Variants in UQCC1 observed in about 807,000 individuals in gnomAD.
UQCC1 encodes the protein bFGF-repressed Zic-binding protein.
UQCC1 carries 38 observed loss-of-function variants against 48.0 expected under a neutral mutation model. The observed-to-expected ratio is 0.79, with a 90% confidence interval of 0.61 to 1.04. The LOEUF (loss-of-function observed/expected upper bound fraction) is 1.04. UQCC1 is among the 50% of genes least tolerant of loss of function. The probability of loss-of-function intolerance (pLI) is 0.00; values close to 1 mark genes in which losing one functional copy is unlikely to be tolerated. For missense variants in UQCC1, 368 were observed against 381.8 expected, an observed-to-expected ratio of 0.96 and a Z score of 0.30; for synonymous variants, 111 against 129.2, an observed-to-expected ratio of 0.86 and a Z score of 0.95.
Position 35,304,061 on chromosome 20 carries a change from G to T in UQCC1, c.774C>A (p.Tyr258Ter). 1 of 1,614,088 alleles carries T rather than the reference G, an allele frequency of 6.2e-7. No homozygotes were observed. Residue 258 changes from tyrosine to a stop codon, truncating the protein, a stop_gained, in exon 10 of 10, where the codon TAC becomes TAA. Coordinates refer to ENST00000374385, the MANE Select transcript of UQCC1 (RefSeq NM_018244.5). LOFTEE classifies it high-confidence loss of function. Reference protein sequence around the residue: ...LVEYVRKQIQYLDSMNGEDLL... With the variant: ...LVEYVRKQIQ ...GATCCTCCCCGTTCATGGAGTCCAG[G>T]TACTGTATCTGCAACCAGGGGAGGG...
intron 5 of UQCC1, among the ~76,000 whole-genome samples, chr20:35,373,654 TC>T (rs1398076482): frequency 1.6e-5 from 2 of 124,502 alleles, no homozygotes; most frequent in African/African-American, 3.2e-5. Context: ...ACCACTGCAC[TC>T]CGGCCTGGGC....
At chr20:35,374,399 A>AT (rs750983222) in intron 4 of UQCC1, 143 bp from the exon 5 acceptor site, 130 of 510,174 alleles carry the variant, frequency 2.5e-4, no homozygotes, top group African/African-American at 8.4e-4. Context: ...ACCAATATAA[A>AT]TTTTTTTTGT....
chr20:35,318,831 G>C (rs56175505), intron 7 of UQCC1, among the ~76,000 whole-genome samples: 7,114 of 152,260 alleles, frequency 0.047, 262 homozygotes, highest in African/African-American at 0.097. Context: ...AAGGGGAGCA[G>C]GATATTCGCT....
At chr20:35,375,617 CAG>C (rs2061787068) in intron 4 of UQCC1, among the ~76,000 whole-genome samples, 1 of 151,990 alleles carries the variant, frequency 6.6e-6, no homozygotes, top group Admixed American at 6.6e-5. Context: ...TAGTAAAGAT[CAG>C]AAATCAACAA....
At chr20:35,398,228 G>T (rs1052188629) in intron 1 of UQCC1, among the ~76,000 whole-genome samples, 2 of 152,250 alleles carry the variant, frequency 1.3e-5, no homozygotes, top group South Asian at 2.1e-4. Flanking sequence ...ACAGCATATT[G>T]TGGAAAGTGC....
At chr20:35,354,405 T>G (rs1484094101) in intron 6 of UQCC1, among the ~76,000 whole-genome samples, 1 of 151,972 alleles carries the variant, frequency 6.6e-6, no homozygotes, top group Non-Finnish European at 1.5e-5. Context: ...TCTTTTTTTT[T>G]TTTTGTTTTG....
intron 2 of UQCC1, among the ~76,000 whole-genome samples, chr20:35,387,003 G>A (rs868495585): frequency 4.1e-4 from 63 of 152,028 alleles, no homozygotes; most frequent in African/African-American, 1.5e-3. Flanking sequence ...TAGGCTGGGC[G>A]TGGTGGCTGA....
At chr20:35,383,318 A>C (rs2061899169) in intron 3 of UQCC1, among the ~76,000 whole-genome samples, 1 of 152,250 alleles carries the variant, frequency 6.6e-6, no homozygotes, top group Non-Finnish European at 1.5e-5. Flanking sequence ...CTTTATTTTT[A>C]ACATGTAAAA....
intron 5 of UQCC1, among the ~76,000 whole-genome samples, chr20:35,370,230 GTTTC>G (rs371977919): frequency 0.059 from 8,862 of 149,638 alleles, 368 homozygotes; most frequent in Non-Finnish European, 0.097. Flanking sequence ...GCTTTCTCTT[GTTTC>G]TTTTTTTTTT....
intron 7 of UQCC1, among the ~76,000 whole-genome samples, chr20:35,320,688 G>A (rs2061114424): frequency 6.6e-6 from 1 of 152,176 alleles, no homozygotes; most frequent in African/African-American, 2.4e-5. Flanking sequence ...GAAAACCTGA[G>A]GTTGAGAGTG....
intron 1 of UQCC1, among the ~76,000 whole-genome samples, chr20:35,411,436 T>G (rs2062362318): frequency 1.3e-5 from 2 of 152,192 alleles, no homozygotes; most frequent in South Asian, 4.1e-4. Flanking sequence ...ATAATCTATA[T>G]TCCACTTAAC....
chr20:35,330,790 T>C (rs1279983223), intron 7 of UQCC1, among the ~76,000 whole-genome samples: 1 of 152,058 alleles, frequency 6.6e-6, no homozygotes, highest in East Asian at 1.9e-4. Flanking sequence ...AAAATTTTTA[T>C]CTCATGGATT....
In UQCC1 at chr20:35,338,878, A is replaced by T. The variant is rs1333737790; in HGVS notation, c.573+8286T>A. On this transcript the variant is annotated intron_variant, in intron 7 of 9. Coordinates refer to ENST00000374385, the MANE Select transcript of UQCC1 (RefSeq NM_018244.5). Reference sequence around the variant, plus strand: ...AAAGAAAAAAAAAAAAAAAAAAAAAAAAAAAAAAAAAAAAATATATATATA... The same window carrying T: ...AAAGAAAAAAAAAAAAAAAAAAAAATAAAAAAAAAAAAAAATATATATATA... 3.2e-3 allele frequency among the ~76,000 whole-genome samples: 193 copies of T among 60,500 alleles called. 2 individuals are homozygous for T. Among genetic ancestry groups the T allele is most frequent in the African/African-American group, 0.019 (88 of 4,592 alleles). The allele number at this position is 60,500 out of a possible 152,430, so 39.7% of individuals were successfully genotyped here. A position where few individuals can be genotyped will look rare whatever the true frequency, so the allele number is the denominator to read the frequency against.
intron 6 of UQCC1, among the ~76,000 whole-genome samples, chr20:35,353,442 G>A (rs929360625): frequency 4.0e-5 from 6 of 150,906 alleles, no homozygotes; most frequent in Non-Finnish European, 7.4e-5. Context: ...AAGTATAAAT[G>A]TTACAGTAAG....
At position 35,374,189 on chromosome 20, in the gene UQCC1, A is replaced by C. The variant is rs1360731046; in HGVS notation, c.401T>G (p.Phe134Cys). The change falls in exon 5 of 10, where the codon TTT becomes TGT. Residue 134 changes from phenylalanine to cysteine, a missense_variant. By Grantham distance (205) the Phe-to-Cys change is radical. Coordinates refer to ENST00000374385, the MANE Select transcript of UQCC1 (RefSeq NM_018244.5). ...ACTATCAAACAATAACTTACTTAGA[A>C]AGAATTCCTCGAAGTCAGTTTTCTC... ...CVEKTDFEEF[F>C]LRCQMPDTFN... 2 of 1,610,314 alleles carry C rather than the reference A, an allele frequency of 1.2e-6. No individual in the cohort carries two copies. Among genetic ancestry groups the C allele is most frequent in the African/African-American group, 1.3e-5 (1 of 74,824 alleles).
chr20:35,382,694 T>C (rs963376354), intron 3 of UQCC1, among the ~76,000 whole-genome samples: 1 of 151,494 alleles, frequency 6.6e-6, no homozygotes, highest in South Asian at 2.1e-4. Flanking sequence ...GTATTTTTAA[T>C]AGAGATGGAG....
At position 35,304,085 on chromosome 20, in the gene UQCC1, G is replaced by C. The variant is rs1226946818; in HGVS notation, c.766-16C>G. The C allele has an allele frequency of 1.2e-6, 2 of 1,613,898 alleles. No homozygotes were observed. Among genetic ancestry groups the C allele is most frequent in the Non-Finnish European group, 1.7e-6 (2 of 1,179,860 alleles). On this transcript the variant is annotated splice_polypyrimidine_tract_variant and intron_variant, in intron 9 of 9. Transcript: ENST00000374385. Reference sequence around the variant, plus strand: ...GGTACTGTATCTGCAACCAGGGGAGGGGGAAGGAGGAAGCGACAGAGGCAG... The same window carrying C: ...GGTACTGTATCTGCAACCAGGGGAGCGGGAAGGAGGAAGCGACAGAGGCAG...
At chr20:35,333,383 G>C (rs1336508184) in intron 7 of UQCC1, among the ~76,000 whole-genome samples, 5 of 152,186 alleles carry the variant, frequency 3.3e-5, no homozygotes. Flanking sequence ...GTCTGTGGGG[G>C]GCGGGAGAAG....
intron 3 of UQCC1, 46 bp from the exon 4 acceptor site, chr20:35,382,071 T>C (rs2061876787): frequency 3.2e-6 from 4 of 1,235,928 alleles, no homozygotes; most frequent in African/African-American, 1.5e-5. Context: ...GCAAAAAATT[T>C]TTAATAGAAT....
Sources: allele counts gnomAD v4.1 joint callset (sites outside exome capture counted in the v4.1 genomes callset), GRCh38; gene constraint gnomAD v4.1.1; transcripts MANE v1.5; gene names NCBI Gene and HGNC (gene_info 2026-07-23, HGNC 2026-07-21).